BRWD1: variants seen among roughly 807,000 people sequenced by gnomAD.
BRWD1 encodes the protein bromodomain and WD repeat-containing protein 1.
A neutral mutation model predicts 251.2 loss-of-function variants in BRWD1; 82 were observed. The ratio of observed to expected loss-of-function variants is 0.33; its 90% CI spans 0.27 to 0.39. The LOEUF is 0.39. BRWD1 is among the 10% of genes least tolerant of loss of function. The pLI is 1.00. For missense variants in BRWD1, 2,233 were observed against 2,711.6 expected (o/e 0.82, Z 3.92); for synonymous variants, 918 against 902.8 (o/e 1.02, Z -0.30).
chr21:39,280,363 C>T, intron 8 of BRWD1, 115 bp from the exon 9 acceptor site: 3 of 743,092 alleles, frequency 4.0e-6, no homozygotes, highest in Non-Finnish European at 6.7e-6. Flanking sequence ...ACATGAAATC[C>T]AAAATATAGG....
rs73209844 is a variant in BRWD1 at position 39,277,242 on chromosome 21, G to A, written c.1104+9C>T. The A allele has an allele frequency of 2.3e-3, 3,662 of 1,584,086 alleles. 10 individuals carry two copies. The highest frequency in any genetic ancestry group is 2.9e-3 in the Non-Finnish European group (3,360 of 1,156,832). On this transcript the variant is annotated intron_variant, in intron 11 of 40. Coordinates refer to ENST00000342449, the MANE Select transcript of BRWD1 (RefSeq NM_033656.4). Reference sequence around the variant, plus strand: ...TTAATCTAAAGGATTTTAAAACGTGGATGCTTACAGTGTGGCTTTCAAGTT... The same window carrying A: ...TTAATCTAAAGGATTTTAAAACGTGAATGCTTACAGTGTGGCTTTCAAGTT...
intron 21 of BRWD1, among the ~76,000 whole-genome samples, chr21:39,243,064 A>T: frequency 6.6e-6 from 1 of 152,174 alleles, no homozygotes; most frequent in East Asian, 1.9e-4. Context: ...AACAATCAAG[A>T]CTGTAATTTT....
At chr21:39,239,596 G>T (rs928584800) in intron 21 of BRWD1, among the ~76,000 whole-genome samples, 1 of 152,172 alleles carries the variant, frequency 6.6e-6, no homozygotes, top group Non-Finnish European at 1.5e-5. Flanking sequence ...ATGCCAAGTA[G>T]AGTGTCAGTC....
At chr21:39,216,786 A>AT (rs999100951) in intron 31 of BRWD1, 51 of 309,546 alleles carry the variant, frequency 1.6e-4, no homozygotes, top group South Asian at 4.3e-4. Context: ...ACAGAAATAT[A>AT]TTTTTTTTAA....
chr21:39,310,368 T>C (rs1601515774), intron 4 of BRWD1, among the ~76,000 whole-genome samples: 1 of 149,690 alleles, frequency 6.7e-6, no homozygotes, highest in African/African-American at 2.5e-5. Context: ...ATATAAAAAT[T>C]AGCCAGGTGC....
At chr21:39,281,789 A>G (rs2035465313) in intron 8 of BRWD1, among the ~76,000 whole-genome samples, 1 of 151,678 alleles carries the variant, frequency 6.6e-6, no homozygotes, top group Admixed American at 6.6e-5. Flanking sequence ...AATCGCTTGA[A>G]TCCGGGAGGC....
At position 39,232,444 on chromosome 21, in the gene BRWD1, A is replaced by T; in HGVS notation, c.2821T>A (p.Phe941Ile). 6.3e-7 allele frequency: 1 copy of T among 1,588,402 alleles called. No homozygotes were observed. The highest frequency in any genetic ancestry group is 8.5e-7 in the Non-Finnish European group (1 of 1,174,296). The change falls in exon 24 of 41, where the codon TTT (phenylalanine) becomes ATT (isoleucine). Residue 941 changes from phenylalanine (F) to isoleucine (I), a missense_variant. Phe to Ile is a conservative substitution (Grantham distance 21, BLOSUM62 0). Coordinates refer to ENST00000342449, the MANE Select transcript of BRWD1 (RefSeq NM_033656.4). ...TCAGTAATCCAAACTGGAGGGTGAA[A>T]TTCATATAAATGCTCCATATTTGCA... is the stretch of plus-strand genomic sequence containing the variant. ...ELANMEHLYE[F>I]HPPVWITDTT...
At chr21:39,277,076 C>T (rs768593869) in intron 11 of BRWD1, among the ~76,000 whole-genome samples, 175 bp downstream of exon 11, 8 of 151,954 alleles carry the variant, frequency 5.3e-5, no homozygotes, top group Non-Finnish European at 8.8e-5. Flanking sequence ...CTCAGAAATG[C>T]AACTATGATT....
intron 5 of BRWD1, chr21:39,297,943 A>C: frequency 2.0e-6 from 2 of 985,334 alleles, no homozygotes; most frequent in African/African-American, 1.7e-5. Flanking sequence ...TTGGCAAAAA[A>C]ATTAAATTAG....
chr21:39,249,886 C>T (rs906096256), intron 20 of BRWD1, among the ~76,000 whole-genome samples: 9 of 150,622 alleles, frequency 6.0e-5, no homozygotes, highest in African/African-American at 2.2e-4. Context: ...TATGAAGAAT[C>T]ACAGAACCAA....
intron 4 of BRWD1, among the ~76,000 whole-genome samples, chr21:39,310,537 G>A (rs1345770836): frequency 6.6e-6 from 1 of 152,160 alleles, no homozygotes; most frequent in Non-Finnish European, 1.5e-5. Context: ...TGAGGCAGGA[G>A]GATCACTTGA....
At chr21:39,264,410 A>T (rs753830568) in intron 17 of BRWD1, 50 bp downstream of exon 17, 3 of 1,118,084 alleles carry the variant, frequency 2.7e-6, no homozygotes, top group Middle Eastern at 2.8e-4. Context: ...TATACTTTAA[A>T]ATATTCAAGT....
chr21:39,312,941 G>A (rs748258100), intron 3 of BRWD1, 41 bp from the exon 4 acceptor site: 2 of 1,049,982 alleles, frequency 1.9e-6, no homozygotes, highest in South Asian at 2.9e-5. Context: ...CACCCCTCCG[G>A]CGCGGGGGGG....
At position 39,236,601 on chromosome 21, in the gene BRWD1, C is replaced by T; in HGVS notation, c.2760G>A (p.Lys920=). 1 of 1,599,998 alleles carries T rather than the reference C, an allele frequency of 6.3e-7. No individual in the cohort carries two copies. Among genetic ancestry groups the T allele is most frequent in the Non-Finnish European group, 8.5e-7 (1 of 1,172,208 alleles). The stretch of plus-strand genomic sequence containing the variant: ...AAAGATACGTTTTTCTTACCTCCTT[C>T]TTAGGCTTATTTTCTTTCTTTCTCT... The part of the protein sequence containing the change: ...RRKRKKENKP[K]KENLRRMTPA... Residue 920 remains lysine (K), a synonymous_variant, in exon 23 of 41, where the codon AAG becomes AAA. Transcript: ENST00000342449.
Position 39,298,514 on chromosome 21 carries a change from C to T in BRWD1, c.267G>A (p.Leu89=), listed in dbSNP as rs2146762756. 2 of 1,610,752 alleles carry T rather than the reference C, an allele frequency of 1.2e-6. No homozygotes were observed. Among genetic ancestry groups the T allele is most frequent in the Non-Finnish European group, 1.7e-6 (2 of 1,178,922 alleles). The change falls in exon 5 of 41, where the codon TTG becomes TTA. Residue 89 remains leucine (L), a synonymous_variant. Transcript: ENST00000342449. The stretch of plus-strand genomic sequence containing the variant: ...AAATACTGGGTGGAATTTCTTTATC[C>T]AACATAGGACCGATGCGCTGGCAGA... The part of the protein sequence containing the change: ...LQICQRIGPM[L]DKEIPPSISR...
chr21:39,258,448 C>T (rs1203404164), intron 18 of BRWD1, 39 bp downstream of exon 18: 1 of 1,441,992 alleles, frequency 6.9e-7, no homozygotes, highest in Non-Finnish European at 9.3e-7. Context: ...AATTTCAATG[C>T]AGCCATATTC....
intron 4 of BRWD1, among the ~76,000 whole-genome samples, chr21:39,298,808 T>C (rs2036027999): frequency 1.3e-5 from 2 of 152,106 alleles, no homozygotes. Context: ...TTTGTAGAAA[T>C]TGACAATTTT....
Position 39,200,386 on chromosome 21 carries a change from T to A in BRWD1, c.4586A>T (p.Glu1529Val). ...RPITNGSTLSESEVEDSLATS... is the reference protein window; with the variant it reads ...RPITNGSTLSVSEVEDSLATS... ...AGCTAAAGAATCTTCCACTTCACTT[T>A]CTAGGAAAAATAAAGTGTAAATAGT... is the stretch of plus-strand genomic sequence containing the variant. The change falls in exon 39 of 41, where the codon GAA (glutamate) becomes GTA (valine). Residue 1529 changes from glutamate (E) to valine (V), a missense_variant and splice_region_variant. By Grantham distance (121) the Glu-to-Val change is moderately radical (BLOSUM62 -2). Coordinates refer to ENST00000342449, the MANE Select transcript of BRWD1 (RefSeq NM_033656.4). The A allele has an allele frequency of 6.2e-7, 1 of 1,610,708 alleles. No homozygotes were observed. The highest frequency in any genetic ancestry group is 8.5e-7 in the Non-Finnish European group (1 of 1,178,866).
chr21:39,206,124 G>T lies in BRWD1; in HGVS notation c.4348C>A (p.Pro1450Thr). ...CCAGTTTACCTGATACTTTTGTTAG[G>T]CTGACTGTCACCTTTACAATTTTGC... ...QRQNCKGDSQPNKSIRNLKPK... is the reference protein window; with the variant it reads ...QRQNCKGDSQTNKSIRNLKPK... Residue 1450 changes from proline to threonine, a missense_variant, in exon 37 of 41, where the codon CCT (proline) becomes ACT (threonine). Pro to Thr is a conservative substitution (Grantham distance 38, BLOSUM62 -1). Around this residue, in one of 12 missense-constraint regions of BRWD1, gnomAD observed 928 missense variants for 970.0 expected, o/e 0.96. Coordinates refer to ENST00000342449, the MANE Select transcript of BRWD1 (RefSeq NM_033656.4). 6.2e-7 allele frequency: 1 copy of T among 1,609,124 alleles called. No individual in the cohort carries two copies. The highest frequency in any genetic ancestry group is 1.1e-5 in the South Asian group (1 of 89,630).
Sources: gnomAD v4.1 joint callset for allele counts (sites outside exome capture counted in the v4.1 genomes callset) on GRCh38, gnomAD v4.1.1 for gene constraint, gnomAD v4.1.1 regional missense constraint, MANE v1.5 for transcripts, NCBI Gene and HGNC (gene_info 2026-07-23, HGNC 2026-07-21) for gene names.